Variants in PPFIBP1 observed in about 807,000 individuals in gnomAD.
PPFIBP1 encodes PPFIB scaffold protein 1, also known as liprin-beta-1.
Under a neutral mutation model 137.8 loss-of-function variants are expected in PPFIBP1, and 112 were observed. The observed-to-expected ratio is 0.81, with a 90% CI of 0.70 to 0.95. PPFIBP1 has a LOEUF of 0.95. Ranked by LOEUF, PPFIBP1 falls within the 40% of genes least tolerant of loss-of-function variation. PPFIBP1 has a pLI of 0.00. For missense variants in PPFIBP1, 1,083 were observed against 1,196.6 expected (o/e 0.91, Z 1.40); for synonymous variants, 378 against 417.3 (o/e 0.91, Z 1.15).
At chr12:27,679,373 A>G (rs551356101) in intron 19 of PPFIBP1, 116 bp from the exon 20 acceptor site, 19 of 1,017,052 alleles carry the variant, frequency 1.9e-5, no homozygotes, top group Non-Finnish European at 2.6e-5. Context: ...TGCTCTTTGT[A>G]AGTCACTGAT....
At chr12:27,587,022 A>G (rs1041401566) in intron 2 of PPFIBP1, among the ~76,000 whole-genome samples, 3 of 152,240 alleles carry the variant, frequency 2.0e-5, no homozygotes, top group African/African-American at 7.2e-5. Flanking sequence ...TATTCTTTTT[A>G]ATCTCAACAA....
At chr12:27,690,594 C>A (rs1166085493) in intron 27 of PPFIBP1, among the ~76,000 whole-genome samples, 1 of 152,206 alleles carries the variant, frequency 6.6e-6, no homozygotes. Context: ...GCCTGGACAA[C>A]AGAGCAAGAT....
At chr12:27,633,904 C>G (rs1399580847) in intron 3 of PPFIBP1, among the ~76,000 whole-genome samples, 1 of 137,602 alleles carries the variant, frequency 7.3e-6, no homozygotes, top group African/African-American at 2.7e-5. Context: ...GTGGTACAAT[C>G]TCAGCTCACT....
intron 7 of PPFIBP1, among the ~76,000 whole-genome samples, chr12:27,651,018 T>C (rs866567499): frequency 7.2e-5 from 11 of 152,162 alleles, no homozygotes; most frequent in Middle Eastern, 3.4e-3. Context: ...GGAGAGAAAA[T>C]GGTTTACTTA....
intron 1 of PPFIBP1, among the ~76,000 whole-genome samples, chr12:27,556,491 T>C (rs972771921): frequency 6.6e-6 from 1 of 152,156 alleles, no homozygotes. Flanking sequence ...GTTATACAGA[T>C]TTTTTGCAGA....
chr12:27,639,916 C>T (rs987650796), intron 4 of PPFIBP1, among the ~76,000 whole-genome samples: 1 of 152,172 alleles, frequency 6.6e-6, no homozygotes, highest in African/African-American at 2.4e-5. Flanking sequence ...CCCGTCCTAC[C>T]ACCCTCCGAT....
At chr12:27,525,964 A>G (rs1943701598) in intron 1 of PPFIBP1, among the ~76,000 whole-genome samples, 1 of 152,244 alleles carries the variant, frequency 6.6e-6, no homozygotes, top group Non-Finnish European at 1.5e-5. Context: ...ACAACATTTT[A>G]ATTTTGGTTT....
chr12:27,599,249 T>A (rs1036263666), intron 2 of PPFIBP1: 1 of 221,356 alleles, frequency 4.5e-6, no homozygotes, highest in Non-Finnish European at 9.3e-6. Flanking sequence ...AGATTGCCCT[T>A]CCCAGTGTGG....
rs1443340298 is a variant in PPFIBP1, at chr12:27,691,839, C to A, written c.2776C>A (p.Gln926Lys). 1 of 1,613,790 alleles carries A rather than the reference C, an allele frequency of 6.2e-7. No individual in the cohort carries two copies. The highest frequency in any genetic ancestry group is 8.5e-7 in the Non-Finnish European group (1 of 1,179,728). ...EEYVCPMELG[Q>K]ASGSASKKGF... ...ATATGTTTGTCCAATGGAATTGGGACAGGCATCAGGAAGTGCATCTAAGAA... is the reference window on the plus strand; with the variant it reads ...ATATGTTTGTCCAATGGAATTGGGAAAGGCATCAGGAAGTGCATCTAAGAA... The change falls in exon 28 of 30, where the codon CAG becomes AAG. Residue 926 changes from glutamine to lysine, a missense_variant. Transcript: ENST00000228425.
intron 1 of PPFIBP1, among the ~76,000 whole-genome samples, chr12:27,560,793 T>C (rs1224356214): frequency 1.3e-5 from 2 of 152,240 alleles, no homozygotes; most frequent in Non-Finnish European, 2.9e-5. Flanking sequence ...ATCCTGACCA[T>C]TCTACCCCAC....
At chr12:27,580,549 G>T (rs2051001242) in intron 2 of PPFIBP1, among the ~76,000 whole-genome samples, 1 of 152,180 alleles carries the variant, frequency 6.6e-6, no homozygotes, top group African/African-American at 2.4e-5. Context: ...CACTAAAAAT[G>T]ATAGTCATTT....
chr12:27,632,256 A>G (rs1342334476), intron 2 of PPFIBP1, among the ~76,000 whole-genome samples: 1 of 152,216 alleles, frequency 6.6e-6, no homozygotes, highest in Non-Finnish European at 1.5e-5. Flanking sequence ...AACTATAAAT[A>G]TATTTGTGAA....
At chr12:27,614,963 G>T (rs570250370) in intron 2 of PPFIBP1, among the ~76,000 whole-genome samples, 2 of 152,332 alleles carry the variant, frequency 1.3e-5, no homozygotes, top group Admixed American at 1.3e-4. Flanking sequence ...CCTTCTAGTT[G>T]TAAGTTGGCT....
intron 14 of PPFIBP1, among the ~76,000 whole-genome samples, chr12:27,672,087 A>T (rs2060235179): frequency 6.6e-6 from 1 of 152,120 alleles, no homozygotes. Context: ...AAAAAAAAAA[A>T]AGTTTAGGGA....
intron 1 of PPFIBP1, among the ~76,000 whole-genome samples, chr12:27,573,034 C>T (rs943423747): frequency 6.6e-6 from 1 of 152,084 alleles, no homozygotes; most frequent in African/African-American, 2.4e-5. Context: ...TCTTGGAATG[C>T]AGATGTTTAT....
At chr12:27,572,831 T>C (rs1342821890) in intron 1 of PPFIBP1, among the ~76,000 whole-genome samples, 1 of 152,224 alleles carries the variant, frequency 6.6e-6, no homozygotes, top group Non-Finnish European at 1.5e-5. Context: ...TTTGCAGATA[T>C]ACCATAACAT....
chr12:27,654,587 A>G lies in PPFIBP1; in HGVS notation c.604-135A>G, dbSNP rs2059082541. ...TTCTTAAGGAGGTACATTTATTTCC[A>G]TTTGTCTCATCTGATTCATACAACT... On this transcript the variant is annotated intron_variant, in intron 7 of 29. Coordinates refer to ENST00000228425, the MANE Select transcript of PPFIBP1 (RefSeq NM_003622.4). 6 of 1,131,412 alleles carry G rather than the reference A, an allele frequency of 5.3e-6. No individual in the cohort carries two copies. In the East Asian group the frequency reaches 1.1e-4, roughly 22 times the overall value. The allele number at this position is 1,131,412 out of a possible 1,614,324, so 70.1% of individuals were successfully genotyped here. A position where few individuals can be genotyped will look rare whatever the true frequency, so the allele number is the denominator to read the frequency against.
chr12:27,646,593 TG>T (rs1487404378), intron 5 of PPFIBP1, among the ~76,000 whole-genome samples: 1 of 152,078 alleles, frequency 6.6e-6, no homozygotes, highest in Non-Finnish European at 1.5e-5. Flanking sequence ...TTCAGATATA[TG>T]AATATAGCAT....
intron 1 of PPFIBP1, among the ~76,000 whole-genome samples, chr12:27,568,350 A>G (rs2049861420): frequency 6.6e-6 from 1 of 152,218 alleles, no homozygotes; most frequent in Admixed American, 6.5e-5. Flanking sequence ...TTGGTTGACT[A>G]TTTAAAAATC....
Sources: allele counts gnomAD v4.1 joint callset (sites outside exome capture counted in the v4.1 genomes callset), GRCh38; gene constraint gnomAD v4.1.1; transcripts MANE v1.5; gene names NCBI Gene and HGNC (gene_info 2026-07-23, HGNC 2026-07-21).